The following SCGB3A2 variants were observed in gnomAD, a reference collection of about 807,000 sequenced individuals.
SCGB3A2 encodes pneumo secretory protein 1.
SCGB3A2 carries 5 observed loss-of-function variants against 7.7 expected under a neutral mutation model. The observed-to-expected ratio is 0.65, with a 90% CI of 0.34 to 1.36. SCGB3A2 has a LOEUF of 1.36. Among genes scored for constraint, SCGB3A2 ranks in the 40% most tolerant of loss-of-function variants. The pLI, the probability that SCGB3A2 is intolerant of heterozygous loss-of-function variation, is 0.04. For synonymous variants in SCGB3A2, 44 were observed against 42.7 expected, an observed-to-expected ratio of 1.03 and a Z score of -0.12; for missense variants, 109 against 103.6, an observed-to-expected ratio of 1.05 and a Z score of -0.23.
rs374818057 is a variant in SCGB3A2, at chr5:147,881,437, T to C, written c.56-9T>C. ...TGCCTGTCTCACCTGGTTTCTCTTTTTCCTGCAGCTACTGCCTTCCTCATC... is the reference window on the plus strand; with the variant it reads ...TGCCTGTCTCACCTGGTTTCTCTTTCTCCTGCAGCTACTGCCTTCCTCATC... On this transcript the variant is annotated splice_polypyrimidine_tract_variant and intron_variant, in intron 1 of 2. Coordinates refer to ENST00000296694, the MANE Select transcript of SCGB3A2 (RefSeq NM_054023.5). The C allele has an allele frequency of 6.2e-7, 1 of 1,613,366 alleles. No homozygotes were observed. The highest frequency in any genetic ancestry group is 8.5e-7 in the Non-Finnish European group (1 of 1,179,432).
At chr5:147,881,234 A>C in intron 1 of SCGB3A2, 1 of 559,634 alleles carries the variant, frequency 1.8e-6, no homozygotes. Context: ...GAGAGACCAA[A>C]TAATGTGAGA....
At position 147,878,857 on chromosome 5, in the gene SCGB3A2, T is replaced by C; in HGVS notation, c.54T>C (p.Ser18=). The part of the protein sequence containing the change: ...LLVTISLCSY[S]ATAFLINKVP... ...TGACCATCAGCCTTTGTAGTTACTC[T>C]GGTAAGTAACTGGAATACATCTGGA... Residue 18 remains serine, a splice_region_variant and synonymous_variant, in exon 1 of 3, where the codon TCT becomes TCC. Coordinates refer to ENST00000296694, the MANE Select transcript of SCGB3A2 (RefSeq NM_054023.5). The C allele has an allele frequency of 6.3e-7, 1 of 1,599,216 alleles. No homozygotes were observed. Among genetic ancestry groups the C allele is most frequent in the Admixed American group, 1.7e-5 (1 of 59,994 alleles).
At chr5:147,881,141 T>A (rs1757341490) in intron 1 of SCGB3A2, 2 of 307,936 alleles carry the variant, frequency 6.5e-6, no homozygotes, top group African/African-American at 2.2e-5. Context: ...AAGAGTTGCT[T>A]TTTTTAGGTA....
intron 1 of SCGB3A2, chr5:147,881,171 G>T: frequency 2.8e-5 from 10 of 356,152 alleles, no homozygotes; most frequent in East Asian, 9.4e-5. Flanking sequence ...AAAAATAAAT[G>T]ACGGAGAGTG....
At chr5:147,881,411 GTGCCTGTCTCACC>G in intron 1 of SCGB3A2, 22 bp from the exon 2 acceptor site, 1 of 1,539,738 alleles carries the variant, frequency 6.5e-7, no homozygotes, top group Non-Finnish European at 9.0e-7. Context: ...GGGCCCAGAT[GTGCCTGTCTCACC>G]TGGTTTCTCT....
chr5:147,879,583 G>T (rs17703574), intron 1 of SCGB3A2, among the ~76,000 whole-genome samples: 9,996 of 152,204 alleles, frequency 0.066, 635 homozygotes, highest in Admixed American at 0.21. Context: ...TCAGGTAAGG[G>T]TATAGAAGCT....
intron 2 of SCGB3A2, 102 bp downstream of exon 2, chr5:147,881,750 C>T (rs1189467463): frequency 3.3e-6 from 3 of 917,080 alleles, no homozygotes; most frequent in Non-Finnish European, 5.0e-6. Flanking sequence ...TTCCACTTTA[C>T]TGATTATATT....
intron 1 of SCGB3A2, 78 bp from the exon 2 acceptor site, chr5:147,881,368 T>C: frequency 8.9e-7 from 1 of 1,124,172 alleles, no homozygotes; most frequent in Non-Finnish European, 1.3e-6. Flanking sequence ...GAGCTATTGA[T>C]GGACACAGGG....
At chr5:147,880,310 A>G (rs1455735971) in intron 1 of SCGB3A2, among the ~76,000 whole-genome samples, 1 of 152,164 alleles carries the variant, frequency 6.6e-6, no homozygotes, top group African/African-American at 2.4e-5. Context: ...TTTCCTATGT[A>G]AAAGCCTTGA....
chr5:147,880,759 G>A (rs1029454356), intron 1 of SCGB3A2: 1 of 152,472 alleles, frequency 6.6e-6, no homozygotes, highest in Non-Finnish European at 1.5e-5. Flanking sequence ...TGGACTGTGT[G>A]AAGTCTCTGA....
chr5:147,879,577 G>A (rs1231415962), intron 1 of SCGB3A2, among the ~76,000 whole-genome samples: 3 of 152,186 alleles, frequency 2.0e-5, no homozygotes, highest in Non-Finnish European at 4.4e-5. Context: ...TAATTTTCAG[G>A]TAAGGGTATA....
chr5:147,881,921 C>G (rs3910207), intron 2 of SCGB3A2, 106 bp from the exon 3 acceptor site: 2 of 1,236,694 alleles, frequency 1.6e-6, no homozygotes, highest in Non-Finnish European at 2.4e-6. Flanking sequence ...TTTTGTTTCC[C>G]CATCAGTAAA....
In SCGB3A2 at chr5:147,881,658, G is replaced by A; in HGVS notation, c.258+10G>A. ...TGTGAAGAAACTGCTGGTAACCACA[G>A]CTTGGGAGGCTAATCTGCCAAAGGG... On this transcript the variant is annotated intron_variant, in intron 2 of 2. Coordinates refer to ENST00000296694, the MANE Select transcript of SCGB3A2 (RefSeq NM_054023.5). 8.1e-6 allele frequency: 13 copies of A among 1,610,366 alleles called. No individual in the cohort carries two copies. The highest frequency in any genetic ancestry group is 1.1e-5 in the Non-Finnish European group (13 of 1,177,784).
intron 1 of SCGB3A2, among the ~76,000 whole-genome samples, chr5:147,880,108 C>A (rs2127117899): frequency 6.6e-6 from 1 of 152,258 alleles, no homozygotes; most frequent in East Asian, 1.9e-4. Flanking sequence ...GGAAAATAAA[C>A]TATGGCAGGT....
At chr5:147,881,302 G>T (rs1347481729) in intron 1 of SCGB3A2, 144 bp from the exon 2 acceptor site, 4 of 676,164 alleles carry the variant, frequency 5.9e-6, no homozygotes, top group African/African-American at 1.8e-5. Flanking sequence ...AACAGCAGGT[G>T]CAAAGGGCCA....
chr5:147,882,080 G>A lies in SCGB3A2; in HGVS notation c.*30G>A, dbSNP rs888484967. On this transcript the variant is annotated 3_prime_UTR_variant, in exon 3 of 3. Transcript: ENST00000296694. ...AAGATAAAGAGCGGAGGTGGATGGG[G>A]ATGGAAGATGATGCTCCTATCCTCC... The A allele has an allele frequency of 1.2e-6, 2 of 1,609,526 alleles. No homozygotes were observed.
chr5:147,881,355 A>G (rs1252695447), intron 1 of SCGB3A2, 91 bp from the exon 2 acceptor site: 1 of 976,414 alleles, frequency 1.0e-6, no homozygotes, highest in Non-Finnish European at 1.6e-6. Context: ...TGGATCTGGA[A>G]TGGAGCTATT....
Position 147,882,107 on chromosome 5 carries a change from T to A in SCGB3A2, c.*57T>A. Reference sequence around the variant, plus strand: ...TGGAAGATGATGCTCCTATCCTCCCTGCCTGAAACCTGTTCTACCAATTAT... The same window carrying A: ...TGGAAGATGATGCTCCTATCCTCCCAGCCTGAAACCTGTTCTACCAATTAT... On this transcript the variant is annotated 3_prime_UTR_variant, in exon 3 of 3. Transcript: ENST00000296694. The A allele has an allele frequency of 6.4e-7, 1 of 1,554,018 alleles. No individual in the cohort carries two copies. Among genetic ancestry groups the A allele is most frequent in the Non-Finnish European group, 8.9e-7 (1 of 1,125,712 alleles).
At chr5:147,878,964 G>A in intron 1 of SCGB3A2, 106 bp downstream of exon 1, 8 of 749,676 alleles carry the variant, frequency 1.1e-5, no homozygotes, top group Non-Finnish European at 1.9e-5. Context: ...TATGGTGGTA[G>A]GAATTGTATT....
Sources: allele counts gnomAD v4.1 joint callset (sites outside exome capture counted in the v4.1 genomes callset), GRCh38; gene constraint gnomAD v4.1.1; transcripts MANE v1.5; gene names NCBI Gene and HGNC (gene_info 2026-07-23, HGNC 2026-07-21).